Variants in LIMS1 observed in about 807,000 individuals in gnomAD.
LIMS1 encodes LIM zinc finger domain containing 1, also known as LIM and senescent cell antigen-like-containing domain protein 1.
A neutral mutation model predicts 44.1 loss-of-function variants in LIMS1; 18 were observed. The observed-to-expected ratio is 0.41, with a 90% CI of 0.28 to 0.61. The LOEUF (loss-of-function observed/expected upper bound fraction) is 0.61, where lower values mean the gene tolerates loss of function less well. Among genes scored for constraint, LIMS1 ranks in the 20% least tolerant of loss-of-function variants. LIMS1 has a pLI of 0.32. For missense variants in LIMS1, 201 were observed against 422.0 expected, an observed-to-expected ratio of 0.48 and a Z score of 4.59; for synonymous variants, 93 against 149.1, an observed-to-expected ratio of 0.62 and a Z score of 2.74.
chr2:108,559,941 C>T (rs1685056674), intron 1 of LIMS1, among the ~76,000 whole-genome samples: 2 of 151,918 alleles, frequency 1.3e-5, no homozygotes, highest in South Asian at 2.1e-4. Context: ...GTGGAGCCCA[C>T]CCGCCAGCCC....
intron 1 of LIMS1, among the ~76,000 whole-genome samples, chr2:108,562,793 A>G (rs1685167960): frequency 6.6e-6 from 1 of 152,260 alleles, no homozygotes; most frequent in African/African-American, 2.4e-5. Flanking sequence ...TTGTCAGTGT[A>G]GACAAAATAG....
intron 1 of LIMS1, among the ~76,000 whole-genome samples, chr2:108,628,729 C>T (rs186105280): frequency 9.8e-5 from 15 of 152,288 alleles, no homozygotes; most frequent in African/African-American, 2.9e-4. Flanking sequence ...GCTCCCAAAT[C>T]GCTGGGATTA....
intron 1 of LIMS1, among the ~76,000 whole-genome samples, chr2:108,615,423 C>T (rs1245638657): frequency 8.5e-5 from 13 of 152,238 alleles, no homozygotes; most frequent in South Asian, 8.3e-4. Flanking sequence ...GAAAGGTCAG[C>T]GCTCTGTTGA....
intron 1 of LIMS1, chr2:108,621,513 T>G: frequency 7.7e-7 from 1 of 1,305,790 alleles, no homozygotes. Flanking sequence ...ATCTAGTAAG[T>G]GCAGTGGGGA....
At chr2:108,611,623 T>C (rs1005184544) in intron 1 of LIMS1, among the ~76,000 whole-genome samples, 5 of 152,082 alleles carry the variant, frequency 3.3e-5, no homozygotes, top group African/African-American at 1.2e-4. Context: ...CTCACGCCTG[T>C]AATCCCAGCT....
chr2:108,583,696 G>GTTTTT (rs1173307399), intron 1 of LIMS1, among the ~76,000 whole-genome samples: 3 of 90,740 alleles, frequency 3.3e-5, no homozygotes, highest in African/African-American at 3.7e-5. Flanking sequence ...TGTTGTTGCT[G>GTTTTT]TTTCTTTTTT....
chr2:108,622,718 C>T (rs1474547110), intron 1 of LIMS1, among the ~76,000 whole-genome samples: 1 of 152,042 alleles, frequency 6.6e-6, no homozygotes, highest in African/African-American at 2.4e-5. Context: ...TTGGAAGTGA[C>T]CTCTGAAACC....
chr2:108,682,327 G>A (rs1371664495), intron 9 of LIMS1, among the ~76,000 whole-genome samples: 6 of 151,878 alleles, frequency 4.0e-5, no homozygotes, highest in Non-Finnish European at 8.8e-5. Flanking sequence ...GTGAAGCCCC[G>A]TCTCTACTAA....
intron 1 of LIMS1, among the ~76,000 whole-genome samples, chr2:108,551,810 ATG>A (rs1038874569): frequency 6.8e-6 from 1 of 146,610 alleles, no homozygotes; most frequent in African/African-American, 2.5e-5. Flanking sequence ...ATATATGTAT[ATG>A]ATATACAATA....
chr2:108,597,381 TGCATTTCTGAA>T (rs1484212942), intron 1 of LIMS1, among the ~76,000 whole-genome samples: 12 of 152,360 alleles, frequency 7.9e-5, no homozygotes, highest in African/African-American at 2.4e-4. Context: ...TAATGATGAT[TGCATTTCTGAA>T]GACTTTTTAA....
chr2:108,615,467 G>A (rs1252765409), intron 1 of LIMS1, among the ~76,000 whole-genome samples: 1 of 152,082 alleles, frequency 6.6e-6, no homozygotes, highest in African/African-American at 2.4e-5. Context: ...GTCGGGTGGG[G>A]GGTATGGTGG....
At chr2:108,675,988 G>T in exon 6 of LIMS1, 1 of 1,614,016 alleles carries the variant, frequency 6.2e-7, no homozygotes, top group East Asian at 2.2e-5. Flanking sequence ...CCCATCGAAG[G>T]GCGCGTGGTG....
At chr2:108,663,774 G>A (rs886730436) in intron 2 of LIMS1, among the ~76,000 whole-genome samples, 1 of 150,210 alleles carries the variant, frequency 6.7e-6, no homozygotes, top group African/African-American at 2.4e-5. Flanking sequence ...TTTTTTTTGA[G>A]ACAGAGTTTC....
chr2:108,606,701 T>G (rs1293854316), intron 1 of LIMS1, among the ~76,000 whole-genome samples: 3 of 152,192 alleles, frequency 2.0e-5, no homozygotes, highest in African/African-American at 7.2e-5. Context: ...TAAAGTTCAG[T>G]AGGATCCCAG....
chr2:108,568,510 A>G (rs535485792), intron 1 of LIMS1, among the ~76,000 whole-genome samples: 34 of 152,236 alleles, frequency 2.2e-4, no homozygotes, highest in Non-Finnish European at 3.8e-4. Context: ...ATACCTCTTC[A>G]ATACCCTGCT....
chr2:108,670,627 AAG>A (rs1311934387), intron 2 of LIMS1, among the ~76,000 whole-genome samples, 152 bp from the exon 3 acceptor site: 1 of 151,962 alleles, frequency 6.6e-6, no homozygotes, highest in Non-Finnish European at 1.5e-5. Context: ...GATGGTGCAA[AAG>A]AGTATCTGCT....
At chr2:108,666,064 T>A (rs1013942310) in intron 2 of LIMS1, among the ~76,000 whole-genome samples, 14 of 151,566 alleles carry the variant, frequency 9.2e-5, no homozygotes, top group African/African-American at 3.4e-4. Context: ...CAATCGGTTC[T>A]GCAGTGGACA....
chr2:108,634,254 A>T (rs943025741), intron 1 of LIMS1, among the ~76,000 whole-genome samples: 1 of 152,226 alleles, frequency 6.6e-6, no homozygotes, highest in Admixed American at 6.5e-5. Flanking sequence ...GCCAGCTCTC[A>T]TGCAGCACTC....
chr2:108,630,862 T>G (rs932375919), intron 1 of LIMS1, among the ~76,000 whole-genome samples: 1 of 152,252 alleles, frequency 6.6e-6, no homozygotes, highest in African/African-American at 2.4e-5. Flanking sequence ...TGTCGTTCTA[T>G]GGTAATCATT....
Sources: allele counts gnomAD v4.1 joint callset (sites outside exome capture counted in the v4.1 genomes callset), GRCh38; gene constraint gnomAD v4.1.1; transcripts MANE v1.5; gene names NCBI Gene and HGNC (gene_info 2026-07-23, HGNC 2026-07-21).